The following UBE3D variants were observed in gnomAD, a reference collection of about 807,000 sequenced individuals.
The protein encoded by UBE3D is ubiquitin protein ligase E3D.
In UBE3D, 48 loss-of-function variants were observed where a neutral mutation model predicts 49.6. That is an observed-to-expected ratio of 0.97 (90% CI 0.77 to 1.23). The LOEUF is 1.23. UBE3D is among the 50% of genes most tolerant of loss of function. UBE3D has a pLI of 0.00. For synonymous variants in UBE3D, 189 were observed against 174.2 expected, an observed-to-expected ratio of 1.08 and a Z score of -0.67; for missense variants, 452 against 468.4, an observed-to-expected ratio of 0.96 and a Z score of 0.32.
intron 9 of UBE3D, among the ~76,000 whole-genome samples, chr6:82,911,272 C>T (rs1378166174): frequency 2.1e-5 from 3 of 146,166 alleles, no homozygotes; most frequent in African/African-American, 7.6e-5. Flanking sequence ...CATTTATTAC[C>T]TTAATGCAAG....
intron 9 of UBE3D, among the ~76,000 whole-genome samples, chr6:82,933,003 G>T (rs1425905733): frequency 3.9e-5 from 6 of 152,038 alleles, no homozygotes; most frequent in Non-Finnish European, 1.5e-5. Flanking sequence ...TTAATTTTGT[G>T]TATCCAGGGT....
At chr6:82,982,831 T>C (rs1259581346) in intron 8 of UBE3D, among the ~76,000 whole-genome samples, 1 of 152,164 alleles carries the variant, frequency 6.6e-6, no homozygotes, top group East Asian at 1.9e-4. Context: ...GGAATCTGCC[T>C]ATGAAAAAAC....
At position 82,974,628 on chromosome 6, in the gene UBE3D, C is replaced by T. The variant is rs115762956; in HGVS notation, c.1011-17178G>A. Among the ~76,000 whole-genome samples the T allele has an allele frequency of 8.6e-3, 1,303 of 151,960 alleles. 17 individuals are homozygous for T. Among genetic ancestry groups the T allele is most frequent in the African/African-American group, 0.029 (1,217 of 41,416 alleles). On this transcript the variant is annotated intron_variant, in intron 8 of 9. Coordinates refer to ENST00000369747, the MANE Select transcript of UBE3D (RefSeq NM_198920.3). ...TCCTCTGATGAGGAAACTATGGATA[C>T]AGAAGGCTGACTGTATTACCTTGTG...
chr6:82,933,870 T>C (rs1774351274), intron 9 of UBE3D, among the ~76,000 whole-genome samples: 1 of 152,174 alleles, frequency 6.6e-6, no homozygotes, highest in African/African-American at 2.4e-5. Context: ...GCACACAGTG[T>C]GGAGGCAGAG....
At chr6:82,902,794 G>A (rs1307112902) in intron 9 of UBE3D, among the ~76,000 whole-genome samples, 2 of 152,140 alleles carry the variant, frequency 1.3e-5, no homozygotes, top group African/African-American at 4.8e-5. Context: ...GTTTGTATAA[G>A]CTCTTTAGTA....
At chr6:82,937,113 T>C (rs904009586) in intron 9 of UBE3D, among the ~76,000 whole-genome samples, 1 of 152,182 alleles carries the variant, frequency 6.6e-6, no homozygotes, top group Non-Finnish European at 1.5e-5. Context: ...TTTCCCATGC[T>C]TCCTTTGGCT....
At chr6:82,959,911 G>A (rs1320374787) in intron 8 of UBE3D, among the ~76,000 whole-genome samples, 1 of 152,016 alleles carries the variant, frequency 6.6e-6, no homozygotes, top group East Asian at 1.9e-4. Flanking sequence ...GCAGCTCCAG[G>A]AAGTCTTCAT....
chr6:82,957,156 C>A (rs1400993858), intron 9 of UBE3D, among the ~76,000 whole-genome samples, 156 bp downstream of exon 9: 1 of 152,014 alleles, frequency 6.6e-6, no homozygotes, highest in Non-Finnish European at 1.5e-5. Flanking sequence ...AACAAACAAA[C>A]AAAAAACAGA....
At chr6:83,059,473 T>C (rs943576153) in intron 1 of UBE3D, among the ~76,000 whole-genome samples, 16 of 152,244 alleles carry the variant, frequency 1.1e-4, no homozygotes, top group Admixed American at 3.3e-4. Flanking sequence ...CAATGGGCCA[T>C]AGTTCTCTGA....
chr6:82,930,264 G>A (rs1774049454), intron 9 of UBE3D, among the ~76,000 whole-genome samples: 1 of 152,106 alleles, frequency 6.6e-6, no homozygotes, highest in African/African-American at 2.4e-5. Context: ...TGAACTGTGA[G>A]TCCACTAAAC....
At chr6:82,995,033 G>A (rs534358698) in intron 8 of UBE3D, among the ~76,000 whole-genome samples, 1 of 152,266 alleles carries the variant, frequency 6.6e-6, no homozygotes, top group South Asian at 2.1e-4. Context: ...GCTTAGCAAA[G>A]GGGAAGAAGA....
chr6:83,024,140 A>T (rs1562198036), intron 5 of UBE3D, 102 bp from the exon 6 acceptor site: 2 of 556,736 alleles, frequency 3.6e-6, no homozygotes, highest in Non-Finnish European at 6.1e-6. Flanking sequence ...AATATTAAAT[A>T]TACTGGTAAA....
chr6:83,026,903 C>G (rs1781499046), intron 5 of UBE3D, among the ~76,000 whole-genome samples: 1 of 152,124 alleles, frequency 6.6e-6, no homozygotes, highest in South Asian at 2.1e-4. Flanking sequence ...AGGCCGGTCT[C>G]AAGGGATCCT....
intron 8 of UBE3D, among the ~76,000 whole-genome samples, chr6:82,970,325 AAC>A (rs1348233830): frequency 1.3e-5 from 2 of 151,856 alleles, no homozygotes; most frequent in Non-Finnish European, 2.9e-5. Context: ...AACTACCACA[AAC>A]ACAAATCTAT....
intron 9 of UBE3D, among the ~76,000 whole-genome samples, chr6:82,948,557 T>C (rs1775565130): frequency 6.6e-6 from 1 of 151,756 alleles, no homozygotes; most frequent in African/African-American, 2.4e-5. Flanking sequence ...CAAAGACACA[T>C]TAAAAAAAGA....
intron 9 of UBE3D, among the ~76,000 whole-genome samples, chr6:82,921,118 A>G (rs573922855): frequency 6.6e-4 from 101 of 152,040 alleles, no homozygotes; most frequent in African/African-American, 2.3e-3. Flanking sequence ...ACCATGCCCA[A>G]CTAATTTTTA....
Position 82,964,293 on chromosome 6 carries a change from T to C in UBE3D, c.1011-6843A>G, listed in dbSNP as rs550132769. Among the ~76,000 whole-genome samples the C allele has an allele frequency of 1.9e-4, 29 of 152,128 alleles. 1 individual carries two copies. Among genetic ancestry groups the C allele is most frequent in the African/African-American group, 6.7e-4 (28 of 41,512 alleles). On this transcript the variant is annotated intron_variant, in intron 8 of 9. Transcript: ENST00000369747. ...ATATCAAGAAAAGAACCTGAGTAAA[T>C]AGAAAGGTGATATAGTCTTCTAGGA...
chr6:82,884,249 C>T, the UBE3D span, among the ~76,000 whole-genome samples: 1 of 152,078 alleles, frequency 6.6e-6, no homozygotes, highest in African/African-American at 2.4e-5. Context: ...GAAACTTTGG[C>T]TTATTGAAGT....
At chr6:82,938,566 C>G (rs539182519) in intron 9 of UBE3D, 37 of 152,270 alleles carry the variant, frequency 2.4e-4, no homozygotes, top group Admixed American at 1.9e-3. Context: ...GCAATACAGA[C>G]TGTGTTAAGT....
Sources: gnomAD v4.1 joint callset for allele counts (sites outside exome capture counted in the v4.1 genomes callset) on GRCh38, gnomAD v4.1.1 for gene constraint, MANE v1.5 for transcripts, NCBI Gene and HGNC (gene_info 2026-07-23, HGNC 2026-07-21) for gene names.